The following NLGN1 variants were observed in gnomAD, a reference collection of about 807,000 sequenced individuals.
NLGN1 encodes neuroligin-1.
A neutral mutation model predicts 65.5 loss-of-function variants in NLGN1; 12 were observed. The ratio of observed to expected loss-of-function variants is 0.18; its 90% CI spans 0.12 to 0.30. The LOEUF (loss-of-function observed/expected upper bound fraction) is 0.30, where lower values mean the gene tolerates loss of function less well. NLGN1 is among the 10% of genes least tolerant of loss of function. The probability of loss-of-function intolerance (pLI) is 1.00; values close to 1 mark genes in which losing one functional copy is unlikely to be tolerated. For synonymous variants in NLGN1, 350 were observed against 359.5 expected (o/e 0.97, Z 0.30); for missense variants, 750 against 1,007.1 (o/e 0.74, Z 3.46).
chr3:173,799,275 CA>C (rs980329515), intron 3 of NLGN1, among the ~76,000 whole-genome samples: 10 of 151,764 alleles, frequency 6.6e-5, no homozygotes, highest in Non-Finnish European at 1.3e-4. Flanking sequence ...GTTGTGGAAA[CA>C]AAAAAAGAAT....
intron 4 of NLGN1, 80 bp from the exon 5 acceptor site, chr3:174,275,235 A>G (rs1750323790): frequency 9.9e-7 from 1 of 1,013,438 alleles, no homozygotes; most frequent in Non-Finnish European, 1.5e-6. Context: ...TGATTAATAC[A>G]GGCTTCATTT....
chr3:174,070,337 G>GTT lies in NLGN1; in HGVS notation c.647-204967_647-204966dup, dbSNP rs59115661. On this transcript the variant is annotated intron_variant, in intron 4 of 6. Coordinates refer to ENST00000457714, the Ensembl canonical transcript of NLGN1. The stretch of plus-strand genomic sequence containing the variant: ...TACCTCACTATCTCTGACTTTTTGT[G>GTT]TTTTTTTTTTTTGAAATGGAGTCTC... Among the ~76,000 whole-genome samples, 231 of 144,354 alleles carry GTT rather than the reference G, an allele frequency of 1.6e-3. 3 individuals carry two copies. In the South Asian group the frequency reaches 0.028, roughly 18 times the overall value. The allele number at this position is 144,354 out of a possible 152,430, so 94.7% of individuals were successfully genotyped here.
chr3:173,558,360 C>T (rs1011011873), intron 2 of NLGN1, among the ~76,000 whole-genome samples: 2 of 151,958 alleles, frequency 1.3e-5, no homozygotes, highest in African/African-American at 4.8e-5. Flanking sequence ...GCACATTTTT[C>T]ATCTGATTGG....
At chr3:173,418,357 C>G (rs1714232809) in intron 1 of NLGN1, among the ~76,000 whole-genome samples, 1 of 151,066 alleles carries the variant, frequency 6.6e-6, no homozygotes, top group African/African-American at 2.4e-5. Context: ...TGATTATTTT[C>G]TTAGGATAAA....
chr3:173,421,363 A>T (rs891463222), intron 1 of NLGN1, among the ~76,000 whole-genome samples: 1 of 151,878 alleles, frequency 6.6e-6, no homozygotes, highest in African/African-American at 2.4e-5. Context: ...ACAAATAAGG[A>T]TATTCTCCTT....
intron 3 of NLGN1, among the ~76,000 whole-genome samples, chr3:173,797,931 A>G (rs1714520279): frequency 6.6e-6 from 1 of 152,120 alleles, no homozygotes; most frequent in Non-Finnish European, 1.5e-5. Context: ...CATGTAAAGT[A>G]TATAGAAAGC....
chr3:173,516,416 A>G (rs1165358412), intron 2 of NLGN1, among the ~76,000 whole-genome samples: 1 of 152,012 alleles, frequency 6.6e-6, no homozygotes, highest in African/African-American at 2.4e-5. Flanking sequence ...TAAAAACAGA[A>G]TTCATGCTTC....
intron 4 of NLGN1, among the ~76,000 whole-genome samples, chr3:174,009,076 T>C (rs1443295001): frequency 2.0e-5 from 3 of 152,110 alleles, no homozygotes; most frequent in Non-Finnish European, 2.9e-5. Flanking sequence ...GATCAAGGCA[T>C]TGGCAAACAT....
chr3:173,513,828 C>T (rs183305207), intron 2 of NLGN1, among the ~76,000 whole-genome samples: 1,833 of 152,076 alleles, frequency 0.012, 46 homozygotes, highest in South Asian at 0.055. Context: ...GAGTTCACAA[C>T]CAGCCTGGCC....
chr3:173,545,929 C>T (rs1445591978), intron 2 of NLGN1, among the ~76,000 whole-genome samples: 3 of 151,850 alleles, frequency 2.0e-5, no homozygotes, highest in Non-Finnish European at 4.4e-5. Flanking sequence ...GAACATCACA[C>T]ACTGGGGCCT....
chr3:173,587,482 A>G (rs1266863692), intron 2 of NLGN1, among the ~76,000 whole-genome samples: 4 of 152,194 alleles, frequency 2.6e-5, no homozygotes, highest in African/African-American at 9.6e-5. Flanking sequence ...ACCCAGTTAG[A>G]TAAATGCTCT....
chr3:173,426,136 T>G (rs1716055820), intron 1 of NLGN1, among the ~76,000 whole-genome samples: 1 of 151,828 alleles, frequency 6.6e-6, no homozygotes, highest in South Asian at 2.1e-4. Context: ...TTGTTCACTG[T>G]TGGAATATAG....
chr3:173,526,046 A>G (rs1161676557), intron 2 of NLGN1, among the ~76,000 whole-genome samples: 1 of 152,154 alleles, frequency 6.6e-6, no homozygotes. Context: ...AAAATGTACC[A>G]TGCACAAATG....
intron 3 of NLGN1, among the ~76,000 whole-genome samples, chr3:173,732,070 T>TA (rs1270520787): frequency 3.9e-5 from 6 of 152,218 alleles, no homozygotes; most frequent in African/African-American, 1.4e-4. Flanking sequence ...TTAAGGTAGT[T>TA]AAGATAAAAT....
intron 3 of NLGN1, among the ~76,000 whole-genome samples, chr3:173,643,920 T>C (rs1198864330): frequency 6.6e-6 from 1 of 152,078 alleles, no homozygotes; most frequent in African/African-American, 2.4e-5. Context: ...TATAAAAACA[T>C]ACATCAGCGG....
At chr3:173,609,392 G>A (rs1751923068) in intron 3 of NLGN1, among the ~76,000 whole-genome samples, 1 of 151,916 alleles carries the variant, frequency 6.6e-6, no homozygotes, top group Non-Finnish European at 1.5e-5. Context: ...ATTTTCAAAA[G>A]TGTTTTACGT....
intron 2 of NLGN1, among the ~76,000 whole-genome samples, chr3:173,438,513 G>C (rs956126061): frequency 2.0e-5 from 3 of 152,046 alleles, no homozygotes; most frequent in Non-Finnish European, 4.4e-5. Flanking sequence ...TTTTTAAACA[G>C]TATGCAATAT....
At chr3:174,122,634 A>G (rs1718018371) in intron 4 of NLGN1, among the ~76,000 whole-genome samples, 1 of 152,174 alleles carries the variant, frequency 6.6e-6, no homozygotes, top group African/African-American at 2.4e-5. Context: ...ATCATGTGGC[A>G]AATTTGCCCT....
At chr3:173,590,051 A>C (rs1158208309) in intron 2 of NLGN1, among the ~76,000 whole-genome samples, 2 of 152,170 alleles carry the variant, frequency 1.3e-5, no homozygotes, top group Non-Finnish European at 2.9e-5. Flanking sequence ...CACCACTTCT[A>C]TGACAGAACT....
Sources: allele counts gnomAD v4.1 joint callset (sites outside exome capture counted in the v4.1 genomes callset), GRCh38; gene constraint gnomAD v4.1.1; transcripts MANE v1.5; gene names NCBI Gene and HGNC (gene_info 2026-07-23, HGNC 2026-07-21).